Variants in MELK observed in about 807,000 individuals in gnomAD.
MELK encodes pEg3 kinase.
Under a neutral mutation model 85.0 loss-of-function variants are expected in MELK, and 81 were observed. The observed-to-expected ratio is 0.95, with a 90% CI of 0.80 to 1.15. The LOEUF (loss-of-function observed/expected upper bound fraction) is 1.15. Ranked by LOEUF, MELK falls within the 50% of genes most tolerant of loss-of-function variation. MELK has a pLI of 0.00. For missense variants in MELK, 754 were observed against 777.5 expected (o/e 0.97, Z 0.36); for synonymous variants, 252 against 265.0 (o/e 0.95, Z 0.48).
chr9:36,630,643 A>G (rs1381546753), intron 9 of MELK, among the ~76,000 whole-genome samples: 1 of 143,594 alleles, frequency 7.0e-6, no homozygotes, highest in Non-Finnish European at 1.5e-5. Context: ...TTCCAAAATT[A>G]TTGATTGATT....
intron 1 of MELK, among the ~76,000 whole-genome samples, chr9:36,580,429 C>T (rs541537757): frequency 2.2e-4 from 34 of 152,186 alleles, no homozygotes; most frequent in South Asian, 4.1e-4. Context: ...AAGTGATTCT[C>T]CTGTCTCACC....
At chr9:36,601,329 GCTTT>G (rs1038534126) in intron 7 of MELK, among the ~76,000 whole-genome samples, 23 of 151,914 alleles carry the variant, frequency 1.5e-4, no homozygotes, top group African/African-American at 4.8e-4. Context: ...ACTTCCTTAG[GCTTT>G]CTTTATTTTT....
chr9:36,588,957 A>G (rs1300877496), intron 3 of MELK, among the ~76,000 whole-genome samples: 1 of 152,084 alleles, frequency 6.6e-6, no homozygotes, highest in Non-Finnish European at 1.5e-5. Flanking sequence ...TGTTTCTGTC[A>G]TTTTCCTTGT....
intron 10 of MELK, among the ~76,000 whole-genome samples, chr9:36,642,621 G>A (rs777714284): frequency 1.3e-5 from 2 of 151,756 alleles, no homozygotes; most frequent in Non-Finnish European, 2.9e-5. Context: ...TAGAGATGGG[G>A]TTTCACCATG....
chr9:36,666,327 G>A (rs141205794), intron 14 of MELK, among the ~76,000 whole-genome samples: 45 of 152,278 alleles, frequency 3.0e-4, no homozygotes, highest in Middle Eastern at 6.8e-3. Flanking sequence ...AGTGGTAAGT[G>A]TCATGACAGT....
At chr9:36,671,223 T>C (rs1832861318) in intron 16 of MELK, 57 bp downstream of exon 16, 1 of 972,244 alleles carries the variant, frequency 1.0e-6, no homozygotes, top group African/African-American at 1.7e-5. Flanking sequence ...ATGGACTGCC[T>C]TTTTTTTTTA....
chr9:36,659,510 TG>T (rs1377621638), intron 13 of MELK, among the ~76,000 whole-genome samples: 2 of 152,210 alleles, frequency 1.3e-5, no homozygotes, highest in Non-Finnish European at 2.9e-5. Flanking sequence ...AGGTCAGTGT[TG>T]GGCTGCATTT....
intron 10 of MELK, among the ~76,000 whole-genome samples, chr9:36,636,790 GTCTT>G (rs1318766048): frequency 8.4e-4 from 57 of 67,618 alleles, no homozygotes; most frequent in African/African-American, 1.8e-3. Flanking sequence ...CTTTCTGTCT[GTCTT>G]TCTTTCTTTC....
intron 11 of MELK, among the ~76,000 whole-genome samples, chr9:36,650,684 G>A (rs1830625151): frequency 6.6e-6 from 1 of 152,230 alleles, no homozygotes; most frequent in African/African-American, 2.4e-5. Context: ...TGGAGGATGT[G>A]TTCCACAAAA....
chr9:36,630,002 G>T, intron 8 of MELK: 1 of 221,614 alleles, frequency 4.5e-6, no homozygotes, highest in Non-Finnish European at 9.0e-6. Flanking sequence ...CTGCCACCAC[G>T]ACTGACTAAT....
chr9:36,588,382 CT>C lies in MELK; in HGVS notation c.145-1140del, dbSNP rs113873638. On this transcript the variant is annotated intron_variant, in intron 3 of 17. Coordinates refer to ENST00000298048, the MANE Select transcript of MELK (RefSeq NM_014791.4). Reference sequence around the variant, plus strand: ...ACCGCGCCTGGCCCAGAGTCCCTCCCTTTTTTTTTTTTTTGAGACGGAGTTT... The same window carrying C: ...ACCGCGCCTGGCCCAGAGTCCCTCCCTTTTTTTTTTTTTGAGACGGAGTTT... Among the ~76,000 whole-genome samples, 1,193 of 129,892 alleles carry C rather than the reference CT, an allele frequency of 9.2e-3. 47 individuals are homozygous for C. Among genetic ancestry groups the C allele is most frequent in the African/African-American group, 0.028 (926 of 33,250 alleles). The allele number at this position is 129,892 out of a possible 152,430, so 85.2% of individuals were successfully genotyped here. A position where few individuals can be genotyped will look rare whatever the true frequency, so the allele number is the denominator to read the frequency against.
At chr9:36,601,193 TG>T (rs1252584130) in intron 7 of MELK, among the ~76,000 whole-genome samples, 6 of 152,224 alleles carry the variant, frequency 3.9e-5, no homozygotes, top group Non-Finnish European at 7.3e-5. Flanking sequence ...CATATTCAAA[TG>T]GTATTAATTG....
At chr9:36,660,908 T>C (rs942444803) in intron 13 of MELK, among the ~76,000 whole-genome samples, 1 of 152,156 alleles carries the variant, frequency 6.6e-6, no homozygotes, top group African/African-American at 2.4e-5. Flanking sequence ...GGAGAATTGC[T>C]TGAACCCGGG....
intron 15 of MELK, among the ~76,000 whole-genome samples, chr9:36,670,540 A>G (rs544190509): frequency 6.6e-6 from 1 of 151,836 alleles, no homozygotes; most frequent in Admixed American, 6.6e-5. Context: ...TGTATTATCT[A>G]CATACATTAA....
intron 1 of MELK, among the ~76,000 whole-genome samples, chr9:36,577,032 C>A (rs764881458): frequency 6.6e-6 from 1 of 152,152 alleles, no homozygotes; most frequent in Non-Finnish European, 1.5e-5. Flanking sequence ...TCTTATTAAG[C>A]TCTGTCTTCC....
At chr9:36,631,408 G>A (rs1464038056) in intron 9 of MELK, among the ~76,000 whole-genome samples, 1 of 152,134 alleles carries the variant, frequency 6.6e-6, no homozygotes, top group Non-Finnish European at 1.5e-5. Context: ...TGGGATTACA[G>A]GCATGTGCCA....
chr9:36,596,144 C>T (rs1321932148), intron 5 of MELK, among the ~76,000 whole-genome samples: 1 of 151,692 alleles, frequency 6.6e-6, no homozygotes, highest in African/African-American at 2.4e-5. Context: ...TCTGTTTATA[C>T]TGAACTCGTC....
intron 8 of MELK, among the ~76,000 whole-genome samples, chr9:36,618,294 A>G (rs917232377): frequency 1.3e-5 from 2 of 151,864 alleles, no homozygotes; most frequent in African/African-American, 2.4e-5. Flanking sequence ...CTGTAATCCC[A>G]GCTACTTTGG....
At chr9:36,575,968 G>A (rs1355872905) in intron 1 of MELK, among the ~76,000 whole-genome samples, 1 of 152,086 alleles carries the variant, frequency 6.6e-6, no homozygotes, top group Non-Finnish European at 1.5e-5. Context: ...TACTTTTACT[G>A]TTTTTATTGC....
Sources: gnomAD v4.1 joint callset for allele counts (sites outside exome capture counted in the v4.1 genomes callset) on GRCh38, gnomAD v4.1.1 for gene constraint, MANE v1.5 for transcripts, NCBI Gene and HGNC (gene_info 2026-07-23, HGNC 2026-07-21) for gene names.